TRPM1: variants seen among roughly 807,000 people sequenced by gnomAD.
TRPM1 encodes TRPM1-203 APA Isoform, Intron 10.
A neutral mutation model predicts 149.4 loss-of-function variants in TRPM1; 113 were observed. That is an observed-to-expected ratio of 0.76 (90% CI 0.65 to 0.88). The LOEUF (loss-of-function observed/expected upper bound fraction) is 0.88, where lower values mean the gene tolerates loss of function less well. TRPM1 is among the 40% of genes least tolerant of loss of function. The pLI, the probability that TRPM1 is intolerant of heterozygous loss-of-function variation, is 0.00. For synonymous variants in TRPM1, 741 were observed against 759.5 expected (o/e 0.98, Z 0.40); for missense variants, 1,976 against 2,038.7 (o/e 0.97, Z 0.59).
intron 3 of TRPM1, among the ~76,000 whole-genome samples, chr15:31,070,855 T>A (rs780818129): frequency 9.9e-5 from 15 of 152,230 alleles, no homozygotes; most frequent in Non-Finnish European, 1.9e-4. Flanking sequence ...GCCAAATTTT[T>A]CCATATTGTT....
intron 1 of TRPM1, among the ~76,000 whole-genome samples, chr15:31,139,568 A>G (rs187775725): frequency 2.4e-3 from 361 of 152,354 alleles, no homozygotes; most frequent in Non-Finnish European, 4.3e-3. Flanking sequence ...TTAGCACTTA[A>G]ATATTTTATC....
At chr15:31,130,530 G>T (rs1233211831) in intron 1 of TRPM1, among the ~76,000 whole-genome samples, 1 of 152,164 alleles carries the variant, frequency 6.6e-6, no homozygotes, top group African/African-American at 2.4e-5. Context: ...TAGAAATAAG[G>T]TTCAGGAGTC....
At chr15:31,143,804 A>G (rs1440324715) in intron 1 of TRPM1, among the ~76,000 whole-genome samples, 15 of 152,132 alleles carry the variant, frequency 9.9e-5, no homozygotes. Context: ...ACTTTTGTAA[A>G]CAAAAATTAG....
At chr15:31,157,719 AG>A in intron 1 of TRPM1, among the ~76,000 whole-genome samples, 1 of 152,288 alleles carries the variant, frequency 6.6e-6, no homozygotes, top group South Asian at 2.1e-4. Context: ...TCACTGCCTC[AG>A]GATTCCACGC....
chr15:31,005,411 C>T (rs1305112230), intron 27 of TRPM1, among the ~76,000 whole-genome samples: 9 of 152,110 alleles, frequency 5.9e-5, no homozygotes, highest in African/African-American at 1.7e-4. Flanking sequence ...ACCTCAAAGT[C>T]ATTGGATTCT....
At chr15:31,088,620 A>G (rs1226035203) in intron 1 of TRPM1, among the ~76,000 whole-genome samples, 3 of 152,228 alleles carry the variant, frequency 2.0e-5, no homozygotes, top group South Asian at 4.1e-4. Flanking sequence ...AACGTAGGAA[A>G]CATCTGAAGG....
At position 31,094,684 on chromosome 15, in the gene TRPM1, G is replaced by A. The variant is rs546706010; in HGVS notation, c.-84+6973C>T. The stretch of plus-strand genomic sequence containing the variant: ...ATGAGGTGCCACTTCATTCCTACTA[G>A]GATGATTATAATTAAAAACATCCCA... On this transcript the variant is annotated intron_variant, in intron 1 of 27. Transcript: ENST00000256552. 6.6e-5 allele frequency among the ~76,000 whole-genome samples: 10 copies of A among 152,276 alleles called. No individual in the cohort carries two copies. In the South Asian group the frequency reaches 2.1e-3, roughly 32 times the overall value.
intron 7 of TRPM1, chr15:31,065,136 A>G (rs1164623867): frequency 1.9e-6 from 1 of 534,432 alleles, no homozygotes; most frequent in Non-Finnish European, 3.8e-6. Context: ...TCACATGGCC[A>G]GGTGAAATGG....
intron 1 of TRPM1, among the ~76,000 whole-genome samples, chr15:31,120,515 A>C (rs1004852901): frequency 4.6e-5 from 7 of 152,216 alleles, no homozygotes; most frequent in African/African-American, 1.7e-4. Flanking sequence ...ATTAGTAAGG[A>C]TATAGTTGCA....
In TRPM1 at chr15:31,077,675, C is replaced by T. The variant is rs764955198; in HGVS notation, c.4-691G>A. 4.6e-5 allele frequency among the ~76,000 whole-genome samples: 7 copies of T among 152,080 alleles called. No homozygotes were observed. The South Asian group carries it at 6.2e-4, about 14-fold the overall frequency. ...AGGCAGGGAGAGAGCCAGCACCCTT[C>T]GCTGGATCTCCATGAGGCCTGGCTC... On this transcript the variant is annotated intron_variant, in intron 2 of 27. Transcript: ENST00000256552.
intron 1 of TRPM1, among the ~76,000 whole-genome samples, chr15:31,124,485 C>T (rs2035919224): frequency 6.7e-6 from 1 of 149,412 alleles, no homozygotes; most frequent in African/African-American, 2.5e-5. Context: ...GAAATCTTCT[C>T]TCTACTAAAA....
intron 8 of TRPM1, 57 bp from the exon 9 acceptor site, chr15:31,062,759 G>A (rs2034268316): frequency 6.3e-7 from 1 of 1,576,372 alleles, no homozygotes; most frequent in Non-Finnish European, 8.7e-7. Flanking sequence ...ATATATGAAT[G>A]AGTCAGACAT....
At chr15:31,094,322 A>G (rs770866699) in intron 1 of TRPM1, among the ~76,000 whole-genome samples, 21 of 152,244 alleles carry the variant, frequency 1.4e-4, no homozygotes, top group Admixed American at 1.4e-3. Flanking sequence ...ATATGATACC[A>G]TAAGCATGAA....
chr15:31,122,990 T>G (rs1304766573), intron 1 of TRPM1, among the ~76,000 whole-genome samples: 2 of 152,156 alleles, frequency 1.3e-5, no homozygotes, highest in Non-Finnish European at 2.9e-5. Flanking sequence ...TAATACACAC[T>G]CACAAAAATT....
chr15:31,083,732 T>A (rs903768373), intron 1 of TRPM1, among the ~76,000 whole-genome samples: 6 of 152,176 alleles, frequency 3.9e-5, no homozygotes, highest in African/African-American at 1.4e-4. Flanking sequence ...GTGGTTCAGC[T>A]GAGAGTCCTG....
rs375081742 is a variant in TRPM1 at position 31,041,938 on chromosome 15, G to T, written c.2087+13C>A. 2 of 1,613,822 alleles carry T rather than the reference G, an allele frequency of 1.2e-6. No individual in the cohort carries two copies. The highest frequency in any genetic ancestry group is 1.7e-6 in the Non-Finnish European group (2 of 1,179,966). On this transcript the variant is annotated intron_variant, in intron 17 of 27. Transcript: ENST00000256552. ...CATCTCTCCTGGCCTTTAAATCCCC[G>T]CTAGACACTAACTTGGAATTGTTAT...
At chr15:31,134,418 T>C (rs117896799) in intron 1 of TRPM1, among the ~76,000 whole-genome samples, 134 of 152,254 alleles carry the variant, frequency 8.8e-4, no homozygotes, top group Non-Finnish European at 1.7e-3. Context: ...AAAAACACCA[T>C]AGAAGTTACC....
chr15:31,094,805 G>A (rs77512536), intron 1 of TRPM1, among the ~76,000 whole-genome samples: 8,401 of 152,286 alleles, frequency 0.055, 306 homozygotes, highest in South Asian at 0.095. Flanking sequence ...AGTCACTTTG[G>A]AAAATGATTT....
intron 1 of TRPM1, among the ~76,000 whole-genome samples, chr15:31,136,784 C>G (rs2036094973): frequency 6.7e-6 from 1 of 148,468 alleles, no homozygotes; most frequent in Non-Finnish European, 1.5e-5. Flanking sequence ...CCAACCTCCT[C>G]TGCTCAGCTC....
Sources: gnomAD v4.1 joint callset for allele counts (sites outside exome capture counted in the v4.1 genomes callset) on GRCh38, gnomAD v4.1.1 for gene constraint, MANE v1.5 for transcripts, NCBI Gene and HGNC (gene_info 2026-07-23, HGNC 2026-07-21) for gene names.